AXIN1: variants seen among roughly 807,000 people sequenced by gnomAD.
AXIN1 encodes the protein axin-1.
A neutral mutation model predicts 76.4 loss-of-function variants in AXIN1; 30 were observed. That is an observed-to-expected ratio of 0.39 (90% CI 0.29 to 0.53). AXIN1 has a LOEUF of 0.53. Ranked by LOEUF, AXIN1 falls within the 20% of genes least tolerant of loss-of-function variation. The pLI is 0.66. For synonymous variants in AXIN1, 545 were observed against 501.4 expected (o/e 1.09, Z -1.16); for missense variants, 1,140 against 1,198.8 (o/e 0.95, Z 0.72).
chr16:320,960 G>A (rs568311066), intron 2 of AXIN1, among the ~76,000 whole-genome samples: 11 of 151,988 alleles, frequency 7.2e-5, no homozygotes, highest in Non-Finnish European at 8.8e-5. Context: ...GGCTGGTCTC[G>A]AACGCCTGAC....
rs1351254615 is a variant in AXIN1, at chr16:297,760, A to G, written c.1746T>C (p.Val582=). ...GARSRGYSES[V]GAAPNASDGL... ...CATCACTGGCGTTGGGGGCAGCGCC[A>G]ACACTCTCTGAGTAGCCTCGGGACC... The change falls in exon 6 of 11, where the codon GTT becomes GTC. Residue 582 remains valine, a synonymous_variant. Coordinates refer to ENST00000262320, the MANE Select transcript of AXIN1 (RefSeq NM_003502.4). The G allele has an allele frequency of 6.3e-7, 1 of 1,593,444 alleles. No individual in the cohort carries two copies. The highest frequency in any genetic ancestry group is 8.5e-7 in the Non-Finnish European group (1 of 1,170,798).
At chr16:314,764 A>G in intron 2 of AXIN1, 81 bp from the exon 3 acceptor site, 2 of 1,579,084 alleles carry the variant, frequency 1.3e-6, no homozygotes, top group Non-Finnish European at 1.7e-6. Context: ...TGTTATCTGA[A>G]TATCTCAATG....
intron 2 of AXIN1, among the ~76,000 whole-genome samples, chr16:320,648 CAAAT>C (rs531315067): frequency 3.7e-3 from 539 of 146,736 alleles, no homozygotes; most frequent in Non-Finnish European, 6.4e-3. Context: ...AAATTAAAAA[CAAAT>C]ATATATGTAT....
chr16:332,374 G>T (rs1318322364), intron 2 of AXIN1, among the ~76,000 whole-genome samples: 1 of 152,006 alleles, frequency 6.6e-6, no homozygotes, highest in East Asian at 1.9e-4. Context: ...TCAGGAGATG[G>T]AGACCATCCT....
Position 323,738 on chromosome 16 carries a change from A to C in AXIN1, c.879-9055T>G, listed in dbSNP as rs190805217. Reference sequence around the variant, plus strand: ...GGAGCTTGCAGTGAGATGAGATCACACCACTGACTCCAGCCTGGGCAACAG... The same window carrying C: ...GGAGCTTGCAGTGAGATGAGATCACCCCACTGACTCCAGCCTGGGCAACAG... On this transcript the variant is annotated intron_variant, in intron 2 of 10. Transcript: ENST00000262320. 7.0e-3 allele frequency among the ~76,000 whole-genome samples: 1,060 copies of C among 151,760 alleles called. 8 individuals carry two copies. The highest frequency in any genetic ancestry group is 0.024 in the African/African-American group (1,013 of 41,364).
chr16:303,896 C>T (rs1194058488), intron 5 of AXIN1, among the ~76,000 whole-genome samples: 1 of 152,194 alleles, frequency 6.6e-6, no homozygotes, highest in Non-Finnish European at 1.5e-5. Flanking sequence ...CATCGCAGCC[C>T]CCGACTGCAC....
intron 3 of AXIN1, among the ~76,000 whole-genome samples, chr16:313,083 G>A (rs1285150979): frequency 6.6e-6 from 1 of 152,172 alleles, no homozygotes; most frequent in Non-Finnish European, 1.5e-5. Flanking sequence ...AGGCTGAAGT[G>A]GGTGCACCGT....
chr16:337,497 CAAAAA>C (rs35744069), intron 2 of AXIN1, among the ~76,000 whole-genome samples: 5 of 72,034 alleles, frequency 6.9e-5, no homozygotes, highest in African/African-American at 2.1e-4. Context: ...GGGTCAAAAC[CAAAAA>C]AAAAAAAAAA....
At chr16:309,095 C>A (rs1235278861) in intron 4 of AXIN1, among the ~76,000 whole-genome samples, 1 of 152,108 alleles carries the variant, frequency 6.6e-6, no homozygotes. Flanking sequence ...CTTTGGGAGG[C>A]TGAAACGGGC....
chr16:339,726 A>C (rs1012679002), intron 2 of AXIN1, among the ~76,000 whole-genome samples: 1 of 152,052 alleles, frequency 6.6e-6, no homozygotes, highest in Non-Finnish European at 1.5e-5. Flanking sequence ...AGGGGAAGCA[A>C]ATACCCCAAA....
At chr16:310,374 A>G (rs949737992) in intron 3 of AXIN1, among the ~76,000 whole-genome samples, 4 of 152,160 alleles carry the variant, frequency 2.6e-5, no homozygotes, top group Admixed American at 2.6e-4. Flanking sequence ...AGGGCCTGAC[A>G]GCTAAGAGTG....
At chr16:348,142 C>A (rs1260237272) in intron 1 of AXIN1, among the ~76,000 whole-genome samples, 1 of 152,312 alleles carries the variant, frequency 6.6e-6, no homozygotes, top group African/African-American at 2.4e-5. Flanking sequence ...TCCAACAGAA[C>A]CCCTGCCATG....
chr16:305,491 C>A (rs1041725719), intron 4 of AXIN1, among the ~76,000 whole-genome samples: 1 of 152,078 alleles, frequency 6.6e-6, no homozygotes, highest in Admixed American at 6.6e-5. Flanking sequence ...AATAACAATA[C>A]ATCTGCAATG....
At chr16:305,176 A>G (rs2052985803) in intron 4 of AXIN1, among the ~76,000 whole-genome samples, 1 of 152,228 alleles carries the variant, frequency 6.6e-6, no homozygotes, top group South Asian at 2.1e-4. Flanking sequence ...TTCCTTTTTA[A>G]AAGAATCTAA....
At chr16:341,319 C>A (rs1208408082) in intron 2 of AXIN1, among the ~76,000 whole-genome samples, 1 of 152,234 alleles carries the variant, frequency 6.6e-6, no homozygotes, top group Non-Finnish European at 1.5e-5. Flanking sequence ...CAGCTGGAGT[C>A]CCGGGTGGGC....
At chr16:308,308 C>A (rs17136056) in intron 4 of AXIN1, among the ~76,000 whole-genome samples, 7,842 of 152,262 alleles carry the variant, frequency 0.052, 646 homozygotes, top group African/African-American at 0.18. Flanking sequence ...CCTGAGAGGT[C>A]TTTCCAGGTC....
intron 2 of AXIN1, among the ~76,000 whole-genome samples, chr16:341,979 A>G (rs1350294724): frequency 1.3e-5 from 2 of 152,210 alleles, no homozygotes; most frequent in East Asian, 3.9e-4. Context: ...CGCACCAATC[A>G]GCGCCCTGTC....
chr16:291,157 G>A (rs777881321), intron 9 of AXIN1, 33 bp downstream of exon 9: 1 of 1,549,866 alleles, frequency 6.5e-7, no homozygotes. Flanking sequence ...GCTGGGGTGG[G>A]CAGGACCGGG....
rs2052425701 is a variant in AXIN1, at chr16:287,849, GGCA to G, written c.*270_*272del. 15 of 547,120 alleles carry G rather than the reference GGCA, an allele frequency of 2.7e-5. 1 individual carries two copies. Among genetic ancestry groups the G allele is most frequent in the South Asian group, 2.6e-4 (13 of 50,044 alleles). The allele number at this position is 547,120 out of a possible 1,614,324, so 33.9% of individuals were successfully genotyped here. On this transcript the variant is annotated 3_prime_UTR_variant, in exon 11 of 11. Transcript: ENST00000262320. ...GGATGGGGGGGGGTCACCTGAAGCT[GGCA>G]GCAGGGACCTCGGCTGCCTCACTTG...
Sources: gnomAD v4.1 joint callset for allele counts (sites outside exome capture counted in the v4.1 genomes callset) on GRCh38, gnomAD v4.1.1 for gene constraint, MANE v1.5 for transcripts, NCBI Gene and HGNC (gene_info 2026-07-23, HGNC 2026-07-21) for gene names.